Variants in RGS7 observed in about 807,000 individuals in gnomAD.
RGS7 encodes the protein regulator of G-protein signaling 7.
A neutral mutation model predicts 81.1 loss-of-function variants in RGS7; 27 were observed. The observed-to-expected ratio is 0.33, with a 90% CI of 0.25 to 0.46. RGS7 has a LOEUF of 0.46. Ranked by LOEUF, RGS7 falls within the 20% of genes least tolerant of loss-of-function variation. The pLI, the probability that RGS7 is intolerant of heterozygous loss-of-function variation, is 1.00. For missense variants in RGS7, 396 were observed against 607.4 expected, an observed-to-expected ratio of 0.65 and a Z score of 3.66; for synonymous variants, 208 against 207.7, an observed-to-expected ratio of 1.00 and a Z score of -0.01.
rs578188008 is a variant in RGS7, at chr1:241,035,658, T to A, written c.176-52529A>T. ...TACCACCCCAACACTGCTATCACCA[T>A]CATTACTACCACCACTTCCACCCTT... On this transcript the variant is annotated intron_variant, in intron 3 of 18. Coordinates refer to ENST00000440928, the MANE Select transcript of RGS7 (RefSeq NM_001364886.1). Among the ~76,000 whole-genome samples the A allele has an allele frequency of 6.0e-4, 91 of 152,246 alleles. 1 individual carries two copies. Among genetic ancestry groups the A allele is most frequent in the African/African-American group, 2.1e-3 (89 of 41,564 alleles).
intron 2 of RGS7, among the ~76,000 whole-genome samples, chr1:241,261,076 TA>T (rs921251413): frequency 1.2e-4 from 18 of 148,994 alleles, no homozygotes; most frequent in South Asian, 4.3e-4. Context: ...GTATAATAAT[TA>T]AAAAAAAATT....
chr1:240,802,772 G>A, intron 16 of RGS7, 132 bp downstream of exon 16: 1 of 733,950 alleles, frequency 1.4e-6, no homozygotes, highest in Non-Finnish European at 2.5e-6. Flanking sequence ...AAAATGCAAA[G>A]GTTTGGGGGA....
At chr1:241,078,902 C>T (rs2062977930) in intron 3 of RGS7, among the ~76,000 whole-genome samples, 1 of 152,036 alleles carries the variant, frequency 6.6e-6, no homozygotes, top group African/African-American at 2.4e-5. Context: ...AAAATCCAGG[C>T]CCCTCTACCA....
intron 2 of RGS7, among the ~76,000 whole-genome samples, chr1:241,346,495 T>G (rs10737861): frequency 0.73 from 110,456 of 152,154 alleles, 42,687 homozygotes; most frequent in South Asian, 0.85. Flanking sequence ...GAGTAGGGAC[T>G]TTGGACCAGG....
At chr1:241,029,495 TG>T (rs2059961591) in intron 3 of RGS7, among the ~76,000 whole-genome samples, 1 of 152,228 alleles carries the variant, frequency 6.6e-6, no homozygotes, top group Non-Finnish European at 1.5e-5. Context: ...AAGAACCTTT[TG>T]TTGCCCTTTG....
chr1:241,303,880 T>C (rs1418275358), intron 2 of RGS7, among the ~76,000 whole-genome samples: 1 of 152,180 alleles, frequency 6.6e-6, no homozygotes, highest in Non-Finnish European at 1.5e-5. Flanking sequence ...AGGATTTATT[T>C]TGGGGGGCAA....
At chr1:241,041,000 T>C (rs1004738612) in intron 3 of RGS7, among the ~76,000 whole-genome samples, 6 of 152,174 alleles carry the variant, frequency 3.9e-5, no homozygotes, top group African/African-American at 1.2e-4. Context: ...CAATTAAATA[T>C]GTAGTTCAGA....
At chr1:241,313,737 T>A (rs912595666) in intron 2 of RGS7, among the ~76,000 whole-genome samples, 13 of 152,166 alleles carry the variant, frequency 8.5e-5, no homozygotes, top group African/African-American at 3.1e-4. Flanking sequence ...GCAAAAAAAA[T>A]TGAAAACCTT....
chr1:241,095,095 T>C (rs2064155939), intron 3 of RGS7, among the ~76,000 whole-genome samples: 1 of 152,092 alleles, frequency 6.6e-6, no homozygotes, highest in Non-Finnish European at 1.5e-5. Flanking sequence ...ACTGCAGAGA[T>C]GATTAGAGCC....
chr1:240,839,042 G>A (rs1695172231), intron 9 of RGS7, among the ~76,000 whole-genome samples: 1 of 152,234 alleles, frequency 6.6e-6, no homozygotes, highest in African/African-American at 2.4e-5. Flanking sequence ...TGGGATGACA[G>A]GCGTAAGCCA....
At chr1:241,033,959 C>T (rs1047677540) in intron 3 of RGS7, among the ~76,000 whole-genome samples, 41 of 151,956 alleles carry the variant, frequency 2.7e-4, no homozygotes, top group African/African-American at 8.7e-4. Context: ...ATGGTGAATC[C>T]CCAAAATGAA....
chr1:241,327,142 GAAAGGAAAGAAA>G (rs1558321862), intron 2 of RGS7, among the ~76,000 whole-genome samples: 2 of 85,412 alleles, frequency 2.3e-5, no homozygotes, highest in East Asian at 3.8e-4. Context: ...AAGAAAGAAA[GAAAGGAAAGAAA>G]GAAAGAAAGA....
Position 240,806,167 on chromosome 1 carries a change from A to G in RGS7, c.1242T>C (p.Pro414=), listed in dbSNP as rs1187750655. ...GAGCATCTTCAAATGTGTATCGTCCAGGTTCCTTCACGTTCTGTGTGGTTT... is the reference window on the plus strand; with the variant it reads ...GAGCATCTTCAAATGTGTATCGTCCGGGTTCCTTCACGTTCTGTGTGGTTT... ...YDKTTQNVKE[P]GRYTFEDAQE... Residue 414 remains proline, a synonymous_variant, in exon 15 of 19, where the codon CCT becomes CCC. Transcript: ENST00000440928. 1 of 1,614,012 alleles carries G rather than the reference A, an allele frequency of 6.2e-7. No individual in the cohort carries two copies. The highest frequency in any genetic ancestry group is 2.2e-5 in the East Asian group (1 of 44,884).
chr1:241,028,895 G>A (rs1321677714), intron 3 of RGS7, among the ~76,000 whole-genome samples: 2 of 152,078 alleles, frequency 1.3e-5, no homozygotes, highest in Admixed American at 6.6e-5. Flanking sequence ...AGACCCAAAG[G>A]GAATGCGAAC....
intron 3 of RGS7, among the ~76,000 whole-genome samples, chr1:240,995,999 G>A (rs1687229193): frequency 6.6e-6 from 1 of 150,552 alleles, no homozygotes; most frequent in African/African-American, 2.5e-5. Flanking sequence ...AAATTGACAT[G>A]TTACATTTTA....
At chr1:241,314,756 C>G (rs542252621) in intron 2 of RGS7, among the ~76,000 whole-genome samples, 1 of 152,092 alleles carries the variant, frequency 6.6e-6, no homozygotes, top group Admixed American at 6.6e-5. Flanking sequence ...CAGACACCAT[C>G]GGAATTTGTA....
In RGS7 at chr1:240,920,067, T is replaced by G. The variant is rs1350608385; in HGVS notation, c.385+10650A>C. 6.2e-6 allele frequency: 6 copies of G among 972,066 alleles called. 1 individual carries two copies. The South Asian group carries it at 7.6e-5, about 12-fold the overall frequency. The allele number at this position is 972,066 out of a possible 1,614,324, so 60.2% of individuals were successfully genotyped here. ...TGAAGGGATTGAAATCATGACTGAT[T>G]GAGGCAATGGCAAGAAAAGAGGCTT... On this transcript the variant is annotated intron_variant, in intron 6 of 18. Transcript: ENST00000440928.
intron 4 of RGS7, among the ~76,000 whole-genome samples, chr1:240,966,630 T>C (rs1480604860): frequency 1.3e-5 from 2 of 152,196 alleles, no homozygotes; most frequent in Non-Finnish European, 2.9e-5. Context: ...TCAGAACCTG[T>C]AGAACATTTT....
chr1:240,797,917 G>T (rs528877107), intron 18 of RGS7, among the ~76,000 whole-genome samples: 2 of 152,282 alleles, frequency 1.3e-5, no homozygotes, highest in South Asian at 4.2e-4. Flanking sequence ...CCCAATGCGG[G>T]CATTACACAA....
Sources: gnomAD v4.1 joint callset for allele counts (sites outside exome capture counted in the v4.1 genomes callset) on GRCh38, gnomAD v4.1.1 for gene constraint, MANE v1.5 for transcripts, NCBI Gene and HGNC (gene_info 2026-07-23, HGNC 2026-07-21) for gene names.